ZCCHC4: variants seen among roughly 807,000 people sequenced by gnomAD.
ZCCHC4 encodes rRNA N(6)-adenosine-methyltransferase ZCCHC4.
ZCCHC4 carries 54 observed loss-of-function variants against 67.7 expected under a neutral mutation model. The observed-to-expected ratio is 0.80, with a 90% CI of 0.64 to 1.00. ZCCHC4 has a LOEUF of 1.00. Among genes scored for constraint, ZCCHC4 ranks in the 50% least tolerant of loss-of-function variants. The probability of loss-of-function intolerance (pLI) is 0.00; values close to 1 mark genes in which losing one functional copy is unlikely to be tolerated. For synonymous variants in ZCCHC4, 198 were observed against 213.5 expected (o/e 0.93, Z 0.63); for missense variants, 609 against 617.0 (o/e 0.99, Z 0.14).
chr4:25,327,472 A>C (rs796359360), intron 3 of ZCCHC4, among the ~76,000 whole-genome samples: 12 of 109,392 alleles, frequency 1.1e-4, no homozygotes, highest in African/African-American at 3.8e-4. Context: ...GTCCCCCACC[A>C]CCCTTCCTTC....
At chr4:25,319,625 C>T (rs949002384) in intron 3 of ZCCHC4, among the ~76,000 whole-genome samples, 2 of 152,070 alleles carry the variant, frequency 1.3e-5, no homozygotes, top group Non-Finnish European at 2.9e-5. Context: ...TGAAAATATT[C>T]AGTGTCTTAA....
intron 7 of ZCCHC4, among the ~76,000 whole-genome samples, chr4:25,350,226 G>A (rs77445090): frequency 5.4e-5 from 8 of 149,214 alleles, no homozygotes; most frequent in South Asian, 2.1e-4. Flanking sequence ...TGACTTAGCC[G>A]TGTACGGTCT....
intron 3 of ZCCHC4, among the ~76,000 whole-genome samples, chr4:25,324,140 T>C (rs1718736320): frequency 6.6e-6 from 1 of 150,914 alleles, no homozygotes; most frequent in African/African-American, 2.4e-5. Flanking sequence ...GCCTCCCAAG[T>C]AGCTGGGACT....
intron 5 of ZCCHC4, among the ~76,000 whole-genome samples, chr4:25,340,525 C>T (rs984349394): frequency 2.0e-5 from 3 of 151,830 alleles, no homozygotes; most frequent in African/African-American, 7.3e-5. Flanking sequence ...TCAATTTCTA[C>T]AAAAAAAGCC....
chr4:25,324,598 G>A (rs1421769851), intron 3 of ZCCHC4, among the ~76,000 whole-genome samples: 1 of 152,194 alleles, frequency 6.6e-6, no homozygotes, highest in Non-Finnish European at 1.5e-5. Flanking sequence ...GGATCATATG[G>A]TGGATATACG....
chr4:25,321,664 C>T (rs1176378799), intron 3 of ZCCHC4, among the ~76,000 whole-genome samples: 2 of 151,940 alleles, frequency 1.3e-5, no homozygotes, highest in Non-Finnish European at 1.5e-5. Flanking sequence ...TGTGCCACGG[C>T]GCCTGGCTGG....
chr4:25,353,040 TCTG>T (rs1391726914), intron 8 of ZCCHC4, among the ~76,000 whole-genome samples: 12 of 152,224 alleles, frequency 7.9e-5, no homozygotes, highest in African/African-American at 2.9e-4. Context: ...AATTTTGAAT[TCTG>T]CTTTCTTCAT....
At position 25,312,828 on chromosome 4, in the gene ZCCHC4, G is replaced by C; in HGVS notation, c.19G>C (p.Gly7Arg). MAASRN[G>R]FEAVEAEGSA... ...CGGGAAGATGGCGGCCTCCAGGAAT[G>C]GGTTTGAAGCCGTGGAGGCAGAGGG... Residue 7 changes from glycine (G) to arginine (R), a missense_variant, in exon 1 of 13, where the codon GGG (glycine) becomes CGG (arginine). Gly to Arg is a moderately radical substitution (Grantham distance 125, BLOSUM62 -2). Transcript: ENST00000302874. The C allele has an allele frequency of 6.2e-7, 1 of 1,613,330 alleles. No individual in the cohort carries two copies. The highest frequency in any genetic ancestry group is 8.5e-7 in the Non-Finnish European group (1 of 1,180,022).
intron 8 of ZCCHC4, among the ~76,000 whole-genome samples, chr4:25,357,834 C>A (rs766936704): frequency 1.3e-5 from 2 of 152,144 alleles, no homozygotes; most frequent in South Asian, 4.1e-4. Flanking sequence ...TTTAGTGTGC[C>A]AGGAGGGCTT....
chr4:25,365,343 G>A lies in ZCCHC4; in HGVS notation c.1406+177G>A. On this transcript the variant is annotated intron_variant, in intron 12 of 12. Transcript: ENST00000302874. ...GAGAGGAAGATGATTCAAAGAGCTT[G>A]CTTTCAAAGAGCTTACAGTTCTACA... 2.1e-6 allele frequency: 3 copies of A among 1,401,140 alleles called. No individual in the cohort carries two copies. The South Asian group carries it at 4.9e-5, about 23-fold the overall frequency. 86.8% of individuals were successfully genotyped at this position (1,401,140 alleles called of 1,614,324 possible). A position where few individuals can be genotyped will look rare whatever the true frequency, so the allele number is the denominator to read the frequency against.
At chr4:25,342,518 C>A (rs577480444) in intron 5 of ZCCHC4, among the ~76,000 whole-genome samples, 1 of 152,234 alleles carries the variant, frequency 6.6e-6, no homozygotes, top group Admixed American at 6.5e-5. Flanking sequence ...AAACTATTAT[C>A]CAAATAAAGT....
intron 8 of ZCCHC4, among the ~76,000 whole-genome samples, chr4:25,357,706 T>G (rs1720569717): frequency 6.6e-6 from 1 of 152,258 alleles, no homozygotes; most frequent in African/African-American, 2.4e-5. Flanking sequence ...TTTGTATTCT[T>G]GTTTATTATA....
chr4:25,331,605 C>T lies in ZCCHC4; in HGVS notation c.330-1578C>T, dbSNP rs553452235. On this transcript the variant is annotated intron_variant, in intron 3 of 12. Coordinates refer to ENST00000302874, the MANE Select transcript of ZCCHC4 (RefSeq NM_024936.3). ...TTCAGGCGTGAGCCACTGTTCCTGG[C>T]CTGTTCAACACTGTTAGTACTTAGT... is the stretch of plus-strand genomic sequence containing the variant. 1.1e-4 allele frequency among the ~76,000 whole-genome samples: 16 copies of T among 152,280 alleles called. No individual in the cohort carries two copies. In the South Asian group the frequency reaches 3.3e-3, roughly 32 times the overall value.
intron 5 of ZCCHC4, 54 bp downstream of exon 5, chr4:25,334,042 G>T: frequency 1.6e-6 from 2 of 1,220,964 alleles, no homozygotes; most frequent in African/African-American, 1.5e-5. Context: ...TCTTTTTAAT[G>T]TTTTTCTGTT....
At chr4:25,330,258 T>C (rs946912621) in intron 3 of ZCCHC4, among the ~76,000 whole-genome samples, 2 of 152,204 alleles carry the variant, frequency 1.3e-5, no homozygotes, top group African/African-American at 4.8e-5. Flanking sequence ...CACAAAGCTC[T>C]GGGATTACAG....
chr4:25,355,471 C>T (rs1720481101), intron 8 of ZCCHC4, among the ~76,000 whole-genome samples: 1 of 152,042 alleles, frequency 6.6e-6, no homozygotes, highest in Admixed American at 6.5e-5. Flanking sequence ...GTGTTCATGT[C>T]CTGAATTTTC....
rs114339010 is a variant in ZCCHC4, at chr4:25,314,468, C to T, written c.246+304C>T. On this transcript the variant is annotated intron_variant, in intron 2 of 12. Coordinates refer to ENST00000302874, the MANE Select transcript of ZCCHC4 (RefSeq NM_024936.3). The stretch of plus-strand genomic sequence containing the variant: ...AACAGAAGTACCATAGGCTGTGTGG[C>T]TTAAACGACAGACATCTGTTTCTTA... Among the ~76,000 whole-genome samples the T allele has an allele frequency of 5.2e-3, 795 of 152,280 alleles. 6 individuals are homozygous for T. Among genetic ancestry groups the T allele is most frequent in the African/African-American group, 0.018 (752 of 41,548 alleles).
chr4:25,332,214 A>G (rs372880820), intron 3 of ZCCHC4, among the ~76,000 whole-genome samples: 2 of 151,340 alleles, frequency 1.3e-5, no homozygotes, highest in East Asian at 3.9e-4. Context: ...AGGCCCAGGC[A>G]GGAGAATCAC....
chr4:25,330,882 T>C lies in ZCCHC4; in HGVS notation c.330-2301T>C, dbSNP rs60450727. Among the ~76,000 whole-genome samples, 1,043 of 152,320 alleles carry C rather than the reference T, an allele frequency of 6.8e-3. 11 individuals carry two copies. Among genetic ancestry groups the C allele is most frequent in the African/African-American group, 0.024 (979 of 41,578 alleles). ...TCCCTTGCCTTGGGGAGTTTCTGCATGTGCACATGCTGCTCAGTACTCAGC... is the reference window on the plus strand; with the variant it reads ...TCCCTTGCCTTGGGGAGTTTCTGCACGTGCACATGCTGCTCAGTACTCAGC... On this transcript the variant is annotated intron_variant, in intron 3 of 12. Coordinates refer to ENST00000302874, the MANE Select transcript of ZCCHC4 (RefSeq NM_024936.3).
Sources: allele counts gnomAD v4.1 joint callset (sites outside exome capture counted in the v4.1 genomes callset), GRCh38; gene constraint gnomAD v4.1.1; transcripts MANE v1.5; gene names NCBI Gene and HGNC (gene_info 2026-07-23, HGNC 2026-07-21).